Variants in KYAT3 observed in about 807,000 individuals in gnomAD.
KYAT3 encodes kynurenine--oxoglutarate transaminase 3.
In KYAT3, 50 loss-of-function variants were observed where a neutral mutation model predicts 59.0. The observed-to-expected ratio is 0.85, with a 90% confidence interval of 0.68 to 1.07. The LOEUF is 1.07. Among genes scored for constraint, KYAT3 ranks in the 50% least tolerant of loss-of-function variants. The pLI is 0.00. For synonymous variants in KYAT3, 148 were observed against 177.0 expected, an observed-to-expected ratio of 0.84 and a Z score of 1.30; for missense variants, 497 against 533.3, an observed-to-expected ratio of 0.93 and a Z score of 0.67.
chr1:88,988,435 T>C, intron 1 of KYAT3, 84 bp from the exon 2 acceptor site: 2 of 715,022 alleles, frequency 2.8e-6, no homozygotes. Context: ...AGCTGATGTA[T>C]CATAAGCTTA....
chr1:88,988,434 A>T (rs1677598321), intron 1 of KYAT3, 83 bp from the exon 2 acceptor site: 6 of 716,686 alleles, frequency 8.4e-6, no homozygotes, highest in Non-Finnish European at 1.4e-5. Flanking sequence ...TAGCTGATGT[A>T]TCATAAGCTT....
At chr1:88,953,909 T>C (rs1443242668) in intron 9 of KYAT3, among the ~76,000 whole-genome samples, 2 of 151,464 alleles carry the variant, frequency 1.3e-5, no homozygotes, top group South Asian at 4.1e-4. Context: ...CTTCTTCTTT[T>C]TTTTTTTTTT....
rs369401759 is a variant in KYAT3, at chr1:88,968,854, A to G, written c.159-40T>C. ...AATACTAATATTAATAAGTTCTACA[A>G]TTATAAAGTTCGCTTTTTTATATCT... is the stretch of plus-strand genomic sequence containing the variant. On this transcript the variant is annotated intron_variant, in intron 3 of 13. Coordinates refer to ENST00000260508, the MANE Select transcript of KYAT3 (RefSeq NM_001008661.3). 1.8e-4 allele frequency: 266 copies of G among 1,467,136 alleles called. No individual in the cohort carries two copies. In the African/African-American group the frequency reaches 3.8e-3, roughly 21 times the overall value. The allele number at this position is 1,467,136 out of a possible 1,614,324, so 90.9% of individuals were successfully genotyped here.
chr1:88,948,726 T>C (rs1033595512), intron 11 of KYAT3, among the ~76,000 whole-genome samples: 1 of 152,218 alleles, frequency 6.6e-6, no homozygotes, highest in East Asian at 1.9e-4. Context: ...ATTTTTCTAA[T>C]GAAATAGTAC....
At chr1:88,940,975 G>C (rs1675213903) in intron 13 of KYAT3, among the ~76,000 whole-genome samples, 1 of 152,186 alleles carries the variant, frequency 6.6e-6, no homozygotes, top group South Asian at 2.1e-4. Flanking sequence ...ACAGTATTTA[G>C]CAGCCTTTCC....
the KYAT3 span, chr1:88,923,851 T>A: frequency 5.6e-6 from 1 of 177,246 alleles, no homozygotes; most frequent in African/African-American, 2.4e-5. Flanking sequence ...TTAACTGCGA[T>A]GGCTGCTCAG....
In KYAT3 at chr1:88,988,307, G is replaced by A. The variant is rs1446983465; in HGVS notation, c.44C>T (p.Ala15Val). 6.2e-7 allele frequency: 1 copy of A among 1,613,770 alleles called. No individual in the cohort carries two copies. ...QRSLCSLSGR[A>V]KFLKTISSSK... ...AGAAGAAATTGTCTTCAGGAATTTT[G>A]CTCTACCGCTAAGAGAGCAGAGGCT... Residue 15 changes from alanine (A) to valine (V), a missense_variant, in exon 2 of 14, where the codon GCA (alanine) becomes GTA (valine). Ala to Val is a moderately conservative substitution (Grantham distance 64). Coordinates refer to ENST00000260508, the MANE Select transcript of KYAT3 (RefSeq NM_001008661.3).
chr1:88,921,289 C>T, the KYAT3 span, among the ~76,000 whole-genome samples: 6 of 152,186 alleles, frequency 3.9e-5, no homozygotes, highest in African/African-American at 1.2e-4. Context: ...ATTAAAAAGT[C>T]TCAAGAAGAC....
intron 2 of KYAT3, among the ~76,000 whole-genome samples, chr1:88,975,701 G>A (rs1359668416): frequency 1.3e-5 from 2 of 152,108 alleles, no homozygotes; most frequent in Non-Finnish European, 2.9e-5. Context: ...ACACGTTTTG[G>A]TCAATGACAG....
intron 1 of KYAT3, among the ~76,000 whole-genome samples, chr1:88,989,849 C>G (rs1677686187): frequency 6.6e-6 from 1 of 152,194 alleles, no homozygotes. Context: ...CACATTACCT[C>G]CATCATGCAA....
At chr1:88,987,259 G>A (rs1677516472) in intron 2 of KYAT3, among the ~76,000 whole-genome samples, 2 of 152,122 alleles carry the variant, frequency 1.3e-5, no homozygotes, top group Admixed American at 1.3e-4. Flanking sequence ...GGTTTCATAT[G>A]TTCACCTTGG....
intron 2 of KYAT3, chr1:88,982,883 C>T: frequency 6.2e-7 from 1 of 1,613,960 alleles, no homozygotes; most frequent in Admixed American, 1.7e-5. Flanking sequence ...ATCACGTGAG[C>T]TGCTATAATC....
At chr1:88,930,408 A>G in the KYAT3 span, among the ~76,000 whole-genome samples, 5 of 152,204 alleles carry the variant, frequency 3.3e-5, no homozygotes. Context: ...ATGAAGAAAA[A>G]AATAGAACTT....
chr1:88,924,253 T>C, the KYAT3 span, among the ~76,000 whole-genome samples: 1 of 152,226 alleles, frequency 6.6e-6, no homozygotes, highest in African/African-American at 2.4e-5. Context: ...CTGACAGGGT[T>C]AGGAGTCAAA....
chr1:88,961,405 A>G lies in KYAT3; in HGVS notation c.642T>C (p.Asn214=), dbSNP rs778017091. The G allele has an allele frequency of 5.8e-5, 93 of 1,613,852 alleles. No individual in the cohort carries two copies. Among genetic ancestry groups the G allele is most frequent in the Non-Finnish European group, 7.7e-5 (91 of 1,179,896 alleles). Residue 214 remains asparagine, a synonymous_variant, in exon 7 of 14, where the codon AAT becomes AAC. Coordinates refer to ENST00000260508, the MANE Select transcript of KYAT3 (RefSeq NM_001008661.3). ...FNSKTKAIIL[N]TPHNPLGKVY... Reference sequence around the variant, plus strand: ...CCTTGCCAAGTGGGTTATGTGGAGTATTTAGTATAATAGCTTTGGTTTTGG... The same window carrying G: ...CCTTGCCAAGTGGGTTATGTGGAGTGTTTAGTATAATAGCTTTGGTTTTGG...
At chr1:88,924,723 T>C in the KYAT3 span, among the ~76,000 whole-genome samples, 1 of 152,224 alleles carries the variant, frequency 6.6e-6, no homozygotes, top group Non-Finnish European at 1.5e-5. Flanking sequence ...AGGTGTCTGC[T>C]GTGCTCCTGA....
intron 8 of KYAT3, among the ~76,000 whole-genome samples, chr1:88,958,575 T>C (rs1286761336): frequency 1.3e-5 from 2 of 152,238 alleles, no homozygotes; most frequent in Non-Finnish European, 2.9e-5. Context: ...CACACAATTT[T>C]CTTAAGCCTT....
intron 13 of KYAT3, among the ~76,000 whole-genome samples, chr1:88,937,438 T>A (rs948578659): frequency 6.6e-6 from 1 of 152,128 alleles, no homozygotes; most frequent in African/African-American, 2.4e-5. Flanking sequence ...ACATGACTAG[T>A]GGCCAAATCT....
intron 2 of KYAT3, chr1:88,979,418 C>G (rs1676961760): frequency 6.6e-6 from 1 of 152,154 alleles, no homozygotes; most frequent in African/African-American, 2.4e-5. Flanking sequence ...TTGCCAGATT[C>G]TGAGCCATAT....
Sources: allele counts gnomAD v4.1 joint callset (sites outside exome capture counted in the v4.1 genomes callset), GRCh38; gene constraint gnomAD v4.1.1; transcripts MANE v1.5; gene names NCBI Gene and HGNC (gene_info 2026-07-23, HGNC 2026-07-21).